The following PPTC7 variants were observed in gnomAD, a reference collection of about 807,000 sequenced individuals.
PPTC7 encodes the protein protein phosphatase PTC7 homolog.
Under a neutral mutation model 30.8 loss-of-function variants are expected in PPTC7, and 6 were observed. That is an observed-to-expected ratio of 0.19 (90% confidence interval 0.11 to 0.38). PPTC7 has a LOEUF of 0.38. Among genes scored for constraint, PPTC7 ranks in the 10% least tolerant of loss-of-function variants. The pLI, the probability that PPTC7 is intolerant of heterozygous loss-of-function variation, is 1.00. For synonymous variants in PPTC7, 163 were observed against 168.1 expected, an observed-to-expected ratio of 0.97 and a Z score of 0.23; for missense variants, 218 against 404.8, an observed-to-expected ratio of 0.54 and a Z score of 3.96.
chr12:110,538,946 T>C (rs1402530365), intron 4 of PPTC7, among the ~76,000 whole-genome samples: 3 of 152,234 alleles, frequency 2.0e-5, no homozygotes, highest in Admixed American at 6.5e-5. Flanking sequence ...CATTACATCA[T>C]AGATTTACTT....
intron 1 of PPTC7, among the ~76,000 whole-genome samples, chr12:110,564,948 C>T (rs1469504285): frequency 1.3e-5 from 2 of 150,938 alleles, no homozygotes. Context: ...AATCTTGGCT[C>T]ACTGCAACCT....
chr12:110,562,292 A>G (rs2064445038), intron 1 of PPTC7, among the ~76,000 whole-genome samples: 1 of 147,388 alleles, frequency 6.8e-6, no homozygotes, highest in Non-Finnish European at 1.5e-5. Context: ...ATCTCAAAAA[A>G]AAAAAAAAAA....
At chr12:110,559,887 C>T (rs2064424305) in intron 1 of PPTC7, among the ~76,000 whole-genome samples, 1 of 152,090 alleles carries the variant, frequency 6.6e-6, no homozygotes, top group African/African-American at 2.4e-5. Context: ...CATGTGCCAC[C>T]ATACCCAGCT....
At chr12:110,581,095 T>A (rs183766977) in intron 1 of PPTC7, among the ~76,000 whole-genome samples, 139 of 152,216 alleles carry the variant, frequency 9.1e-4, no homozygotes, top group African/African-American at 3.1e-3. Context: ...CATTATCCCC[T>A]ATCCTATGTT....
intron 1 of PPTC7, among the ~76,000 whole-genome samples, chr12:110,554,770 G>C (rs1256105230): frequency 6.6e-6 from 1 of 152,108 alleles, no homozygotes; most frequent in Non-Finnish European, 1.5e-5. Context: ...GACACTGAGA[G>C]AAAATGTCAA....
intron 1 of PPTC7, among the ~76,000 whole-genome samples, chr12:110,560,283 C>T (rs2064427563): frequency 6.6e-6 from 1 of 151,972 alleles, no homozygotes; most frequent in South Asian, 2.1e-4. Context: ...ACCTGTAGTT[C>T]CAGCTAAACA....
chr12:110,574,958 TTTTA>T (rs1019078434), intron 1 of PPTC7, among the ~76,000 whole-genome samples: 7 of 150,744 alleles, frequency 4.6e-5, no homozygotes, highest in African/African-American at 1.5e-4. Context: ...TTTTTTTTTT[TTTTA>T]AACTTTTAGT....
intron 1 of PPTC7, among the ~76,000 whole-genome samples, chr12:110,554,932 ATTT>A (rs1434602163): frequency 3.9e-5 from 6 of 152,190 alleles, no homozygotes; most frequent in Admixed American, 1.3e-4. Flanking sequence ...TATTAATTTT[ATTT>A]TTATCATGAG....
At chr12:110,540,952 T>C (rs1004048999) in intron 3 of PPTC7, among the ~76,000 whole-genome samples, 3 of 151,794 alleles carry the variant, frequency 2.0e-5, no homozygotes, top group Admixed American at 1.3e-4. Flanking sequence ...ATTTTTTGTA[T>C]TTTTAGTAGA....
intron 1 of PPTC7, among the ~76,000 whole-genome samples, chr12:110,554,279 T>A (rs2064370176): frequency 6.6e-6 from 1 of 152,214 alleles, no homozygotes; most frequent in South Asian, 2.1e-4. Flanking sequence ...GCTTAAGTGA[T>A]CCTCCTACCT....
Position 110,582,979 on chromosome 12 carries a change from C to T in PPTC7, c.53G>A (p.Gly18Asp). ...GGCCCTGGGGTCGGTCTGCGAGAGG[C>T]CGCCGAGCACGGCGCGGGCCACCAG... The part of the protein sequence containing the change: ...GRLVARAVLG[G>D]LSQTDPRAGG... Residue 18 changes from glycine to aspartate, a missense_variant, in exon 1 of 6, where the codon GGC (glycine) becomes GAC (aspartate). Gly to Asp is a moderately conservative substitution (Grantham distance 94, BLOSUM62 -1). Transcript: ENST00000354300. The T allele has an allele frequency of 6.6e-7, 1 of 1,525,938 alleles. No homozygotes were observed. The highest frequency in any genetic ancestry group is 8.8e-7 in the Non-Finnish European group (1 of 1,137,116). 94.5% of individuals were successfully genotyped at this position (1,525,938 alleles called of 1,614,324 possible).
At chr12:110,566,908 T>C (rs1220135177) in intron 1 of PPTC7, among the ~76,000 whole-genome samples, 1 of 152,214 alleles carries the variant, frequency 6.6e-6, no homozygotes, top group Non-Finnish European at 1.5e-5. Context: ...TACCTGCACT[T>C]TGAAAAGAAT....
Position 110,583,291 on chromosome 12 carries a change from C to G in PPTC7, c.-260G>C, listed in dbSNP as rs2064656569. The G allele has an allele frequency of 5.8e-6, 1 of 172,334 alleles. No homozygotes were observed. The highest frequency in any genetic ancestry group is 1.2e-5 in the Non-Finnish European group (1 of 82,166). 10.7% of individuals were successfully genotyped at this position (172,334 alleles called of 1,614,324 possible). A position where few individuals can be genotyped will look rare whatever the true frequency, so the allele number is the denominator to read the frequency against. The stretch of plus-strand genomic sequence containing the variant: ...AAGTCCCGGCTGCAGCGGCCGCCGC[C>G]GCCGCCGCCATCTTCCGCTCCACTA... On this transcript the variant is annotated 5_prime_UTR_variant, in exon 1 of 6. Coordinates refer to ENST00000354300, the MANE Select transcript of PPTC7 (RefSeq NM_139283.2).
At chr12:110,566,823 A>C (rs367844533) in intron 1 of PPTC7, among the ~76,000 whole-genome samples, 2 of 152,222 alleles carry the variant, frequency 1.3e-5, no homozygotes, top group African/African-American at 4.8e-5. Flanking sequence ...ATATTCCATT[A>C]AACATTCAAT....
At chr12:110,555,313 A>T (rs1032224824) in intron 1 of PPTC7, among the ~76,000 whole-genome samples, 3 of 152,200 alleles carry the variant, frequency 2.0e-5, no homozygotes, top group Admixed American at 2.0e-4. Flanking sequence ...GGCAATTCCA[A>T]ATTAGCTAAT....
intron 1 of PPTC7, among the ~76,000 whole-genome samples, chr12:110,560,484 TAACTGTGTA>T (rs2064430374): frequency 6.6e-6 from 1 of 152,156 alleles, no homozygotes; most frequent in Non-Finnish European, 1.5e-5. Flanking sequence ...CACAGTCACC[TAACTGTGTA>T]ATTGCAAAAG....
At chr12:110,547,432 T>C (rs1433356288) in intron 2 of PPTC7, among the ~76,000 whole-genome samples, 1 of 152,230 alleles carries the variant, frequency 6.6e-6, no homozygotes, top group Non-Finnish European at 1.5e-5. Context: ...GAATTAAAAT[T>C]AGTTAAGTCA....
intron 2 of PPTC7, among the ~76,000 whole-genome samples, chr12:110,548,788 G>A (rs1384851923): frequency 2.0e-5 from 3 of 152,032 alleles, no homozygotes; most frequent in African/African-American, 7.2e-5. Flanking sequence ...CCTGGTGAGT[G>A]ACTGAGCTTC....
intron 1 of PPTC7, among the ~76,000 whole-genome samples, chr12:110,566,206 C>A (rs1057513017): frequency 1.3e-5 from 2 of 152,208 alleles, no homozygotes; most frequent in Non-Finnish European, 2.9e-5. Context: ...CCAAACTCAA[C>A]AAGGCTTGTT....
Sources: gnomAD v4.1 joint callset for allele counts (sites outside exome capture counted in the v4.1 genomes callset) on GRCh38, gnomAD v4.1.1 for gene constraint, MANE v1.5 for transcripts, NCBI Gene and HGNC (gene_info 2026-07-23, HGNC 2026-07-21) for gene names.